USP45: variants seen among roughly 807,000 people sequenced by gnomAD.
USP45 encodes the protein ubiquitin carboxyl-terminal hydrolase 45.
USP45 carries 89 observed loss-of-function variants against 95.8 expected under a neutral mutation model. The ratio of observed to expected loss-of-function variants is 0.93; its 90% CI spans 0.78 to 1.11. USP45 has a LOEUF of 1.11. USP45 is among the 50% of genes least tolerant of loss of function. USP45 has a pLI of 0.00. For synonymous variants in USP45, 281 were observed against 316.2 expected (o/e 0.89, Z 1.18); for missense variants, 898 against 942.5 (o/e 0.95, Z 0.62).
At chr6:99,475,066 A>T (rs1478986530) in intron 9 of USP45, among the ~76,000 whole-genome samples, 2 of 152,204 alleles carry the variant, frequency 1.3e-5, no homozygotes, top group Non-Finnish European at 2.9e-5. Context: ...ATTTAATCCA[A>T]CATGGAATAA....
Position 99,433,802 on chromosome 6 carries a change from C to T in USP45, c.*1914G>A, listed in dbSNP as rs1780058714. The stretch of plus-strand genomic sequence containing the variant: ...TATGGGTATCTATCCAAATATTTGT[C>T]TTTGAAACAAGAAACAAGTGACCAT... On this transcript the variant is annotated 3_prime_UTR_variant, in exon 18 of 18. Transcript: ENST00000500704. 6.6e-6 allele frequency: 1 copy of T among 152,150 alleles called. No individual in the cohort carries two copies. The highest frequency in any genetic ancestry group is 1.5e-5 in the Non-Finnish European group (1 of 68,032). The allele number at this position is 152,150 out of a possible 1,614,324, so 9.4% of individuals were successfully genotyped here.
chr6:99,482,950 G>C (rs1792795541), intron 7 of USP45, 67 bp from the exon 8 acceptor site: 1 of 1,327,226 alleles, frequency 7.5e-7, no homozygotes, highest in African/African-American at 1.5e-5. Context: ...AAAAATCTGT[G>C]AGTTACACTC....
At chr6:99,488,967 T>C in intron 5 of USP45, 147 bp from the exon 6 acceptor site, 1 of 601,844 alleles carries the variant, frequency 1.7e-6, no homozygotes, top group Non-Finnish European at 2.5e-6. Context: ...TAAACACAAC[T>C]ATCTTTGGTT....
chr6:99,476,060 AC>A, intron 9 of USP45, 82 bp downstream of exon 9: 12 of 1,279,120 alleles, frequency 9.4e-6, no homozygotes, highest in South Asian at 1.3e-5. Flanking sequence ...CAGATGATCC[AC>A]CCCGCCTTGG....
Position 99,510,213 on chromosome 6 carries a change from A to AC in USP45, c.7dup (p.Val3GlyfsTer6), listed in dbSNP as rs533490516. The AC allele has an allele frequency of 6.2e-7, 1 of 1,613,142 alleles. No homozygotes were observed. Among genetic ancestry groups the AC allele is most frequent in the South Asian group, 1.1e-5 (1 of 90,958 alleles). ...AGGTAAAGCTTTAGTTGGATCTTTC[A>AC]CCCGCATCTGTTATTTACTGAAGGG... On this transcript the variant is annotated frameshift_variant, in exon 2 of 18. Transcript: ENST00000500704. LOFTEE classifies it high-confidence loss of function.
At chr6:99,477,110 T>G (rs1257449043) in intron 8 of USP45, among the ~76,000 whole-genome samples, 2 of 152,228 alleles carry the variant, frequency 1.3e-5, no homozygotes, top group Non-Finnish European at 2.9e-5. Context: ...TATATTATAG[T>G]AGAAGACACA....
intron 13 of USP45, among the ~76,000 whole-genome samples, chr6:99,459,900 A>C (rs1175698556): frequency 1.3e-5 from 2 of 152,170 alleles, no homozygotes; most frequent in Non-Finnish European, 2.9e-5. Context: ...CTAGGGAAAC[A>C]AAAAATTAAT....
Position 99,468,527 on chromosome 6 carries a change from G to C in USP45, c.1015+10C>G. 1 of 1,568,466 alleles carries C rather than the reference G, an allele frequency of 6.4e-7. No homozygotes were observed. Among genetic ancestry groups the C allele is most frequent in the Non-Finnish European group, 8.7e-7 (1 of 1,147,570 alleles). On this transcript the variant is annotated intron_variant, in intron 10 of 17. Coordinates refer to ENST00000500704, the MANE Select transcript of USP45 (RefSeq NM_001346022.3). ...TTAAAGAAAAAAGTTTTAACAAAGA[G>C]TCAACATACCTTTGACTTTTTTTCT...
chr6:99,478,651 T>C (rs542444859), intron 8 of USP45, among the ~76,000 whole-genome samples: 159 of 152,244 alleles, frequency 1.0e-3, no homozygotes, highest in Admixed American at 2.1e-3. Context: ...GTGGTCCATA[T>C]ACACCATGGA....
At chr6:99,505,199 T>A (rs1798238360) in intron 4 of USP45, among the ~76,000 whole-genome samples, 2 of 152,174 alleles carry the variant, frequency 1.3e-5, no homozygotes, top group South Asian at 4.1e-4. Flanking sequence ...AGGAAAGACA[T>A]TTTCAAAAGC....
At chr6:99,462,978 T>C (rs529871060) in intron 13 of USP45, among the ~76,000 whole-genome samples, 2 of 151,792 alleles carry the variant, frequency 1.3e-5, no homozygotes, top group East Asian at 3.9e-4. Context: ...TGAGACTCTG[T>C]CTCAATAATT....
At chr6:99,496,651 T>C (rs1348531584) in intron 5 of USP45, among the ~76,000 whole-genome samples, 1 of 152,194 alleles carries the variant, frequency 6.6e-6, no homozygotes, top group Non-Finnish European at 1.5e-5. Context: ...TACATGATTT[T>C]ACCAGGAATT....
chr6:99,451,097 T>C (rs537019784), intron 13 of USP45, among the ~76,000 whole-genome samples: 573 of 152,294 alleles, frequency 3.8e-3, no homozygotes, highest in Non-Finnish European at 5.7e-3. Flanking sequence ...GGGCAAAAAC[T>C]GGAAGCATTC....
chr6:99,447,700 G>C (rs1177992267), intron 13 of USP45, among the ~76,000 whole-genome samples: 1 of 152,116 alleles, frequency 6.6e-6, no homozygotes, highest in Non-Finnish European at 1.5e-5. Flanking sequence ...GAGAGTAGTG[G>C]TTCTCGCAGC....
chr6:99,437,125 T>C, intron 17 of USP45, 121 bp downstream of exon 17: 10 of 866,146 alleles, frequency 1.2e-5, no homozygotes, highest in Admixed American at 3.1e-5. Flanking sequence ...TCAATTAAGT[T>C]AAAATAAAGC....
Position 99,446,101 on chromosome 6 carries a change from T to C in USP45, c.1671A>G (p.Glu557=), listed in dbSNP as rs771307596. The C allele has an allele frequency of 1.2e-5, 20 of 1,614,062 alleles. No homozygotes were observed. The highest frequency in any genetic ancestry group is 2.2e-5 in the East Asian group (1 of 44,882). ...ETDSGDKEMA[E]AISELRLSST... is the part of the protein sequence containing the mutation. ...TGCTCAAACGAAGTTCAGAAATAGCTTCTGCCATTTCCTTATCACCACTGT... is the reference window on the plus strand; with the variant it reads ...TGCTCAAACGAAGTTCAGAAATAGCCTCTGCCATTTCCTTATCACCACTGT... The change falls in exon 14 of 18, where the codon GAA becomes GAG. Residue 557 remains glutamate, a synonymous_variant. Transcript: ENST00000500704.
Position 99,437,252 on chromosome 6 carries a change from C to T in USP45, c.2308G>A (p.Val770Met). The change falls in exon 17 of 18, where the codon GTG becomes ATG. Residue 770 changes from valine to methionine, a missense_variant. Coordinates refer to ENST00000500704, the MANE Select transcript of USP45 (RefSeq NM_001346022.3). The part of the protein sequence containing the change: ...LSEHNTKKKN[V>M]PGLKAADNES... Reference sequence around the variant, plus strand: ...TAAACTTAGGATGGCATACCAGGCACATTTTTCTTTTTAGTGTTATGTTCC... The same window carrying T: ...TAAACTTAGGATGGCATACCAGGCATATTTTTCTTTTTAGTGTTATGTTCC... 1 of 1,602,460 alleles carries T rather than the reference C, an allele frequency of 6.2e-7. No individual in the cohort carries two copies. Among genetic ancestry groups the T allele is most frequent in the East Asian group, 2.2e-5 (1 of 44,776 alleles).
intron 6 of USP45, 74 bp from the exon 7 acceptor site, chr6:99,488,369 A>G (rs1480595244): frequency 1.0e-6 from 1 of 956,414 alleles, no homozygotes; most frequent in African/African-American, 1.7e-5. Flanking sequence ...ACACTCTCAA[A>G]TTTCATCTAG....
intron 13 of USP45, chr6:99,462,256 A>G: frequency 3.0e-6 from 3 of 984,094 alleles, no homozygotes; most frequent in Non-Finnish European, 3.6e-6. Flanking sequence ...AGCACAAGTT[A>G]TATCCATGTG....
Sources: gnomAD v4.1 joint callset for allele counts (sites outside exome capture counted in the v4.1 genomes callset) on GRCh38, gnomAD v4.1.1 for gene constraint, MANE v1.5 for transcripts, NCBI Gene and HGNC (gene_info 2026-07-23, HGNC 2026-07-21) for gene names.